The following GALNT2 variants were observed in gnomAD, a reference collection of about 807,000 sequenced individuals.
GALNT2 encodes polypeptide N-acetylgalactosaminyltransferase 2.
A neutral mutation model predicts 81.4 loss-of-function variants in GALNT2; 31 were observed. The ratio of observed to expected loss-of-function variants is 0.38; its 90% CI spans 0.29 to 0.51. The LOEUF is 0.51. GALNT2 is among the 20% of genes least tolerant of loss of function. GALNT2 has a pLI of 0.87. For missense variants in GALNT2, 629 were observed against 765.7 expected (o/e 0.82, Z 2.11); for synonymous variants, 303 against 287.4 (o/e 1.05, Z -0.55).
chr1:230,208,485 T>A (rs1558140927), intron 3 of GALNT2, among the ~76,000 whole-genome samples: 3 of 152,202 alleles, frequency 2.0e-5, no homozygotes, highest in Admixed American at 2.0e-4. Context: ...GGGATATGTG[T>A]CTGGTGTTCA....
chr1:230,159,875 G>A (rs2102845516), intron 1 of GALNT2, among the ~76,000 whole-genome samples: 1 of 152,288 alleles, frequency 6.6e-6, no homozygotes, highest in African/African-American at 2.4e-5. Flanking sequence ...CCTTTGGCTG[G>A]ATCCCTGTTT....
intron 2 of GALNT2, among the ~76,000 whole-genome samples, chr1:230,196,349 C>T (rs571799471): frequency 6.6e-6 from 1 of 152,326 alleles, no homozygotes; most frequent in South Asian, 2.1e-4. Context: ...CTCCTCCTCA[C>T]TTTTGGATGG....
In GALNT2 at chr1:230,257,229, T is replaced by A. The variant is rs1665740981; in HGVS notation, c.1136+1885T>A. On this transcript the variant is annotated intron_variant, in intron 11 of 15. Transcript: ENST00000366672. This position sits in a 1 kb window ranked among gnomAD's most constrained non-coding sequence, Gnocchi z 4.6. ...ATGTCTGTTTTATGCTTTGGAAAGG[T>A]CCGTATGGTTGCTGGGCAGAGGGTG... 4.6e-5 allele frequency among the ~76,000 whole-genome samples: 7 copies of A among 152,178 alleles called. No individual in the cohort carries two copies. Among genetic ancestry groups the A allele is most frequent in the Admixed American group, 4.6e-4 (7 of 15,286 alleles).
intron 1 of GALNT2, among the ~76,000 whole-genome samples, chr1:230,080,004 T>C (rs1354570043): frequency 4.6e-5 from 7 of 152,320 alleles, no homozygotes; most frequent in African/African-American, 1.7e-4. Flanking sequence ...AGAAAAGGGA[T>C]AGAGGTAAAG....
chr1:230,099,537 G>C (rs571380547), intron 1 of GALNT2, among the ~76,000 whole-genome samples: 63 of 152,310 alleles, frequency 4.1e-4, no homozygotes, highest in African/African-American at 1.5e-3. Flanking sequence ...GTCCCAAGCT[G>C]TGATTCCCAA....
At chr1:230,159,194 C>A (rs1196968778) in intron 1 of GALNT2, among the ~76,000 whole-genome samples, 1 of 152,194 alleles carries the variant, frequency 6.6e-6, no homozygotes, top group Non-Finnish European at 1.5e-5. Flanking sequence ...GCACCCTTTG[C>A]TGTTGATGTG....
chr1:230,238,208 C>T (rs942995279), intron 6 of GALNT2, among the ~76,000 whole-genome samples: 1 of 152,168 alleles, frequency 6.6e-6, no homozygotes, highest in Non-Finnish European at 1.5e-5. Flanking sequence ...ACACAAAGTG[C>T]TTGTAGTGAT....
chr1:230,101,395 C>T (rs10864687), intron 1 of GALNT2, among the ~76,000 whole-genome samples: 55,630 of 152,134 alleles, frequency 0.37, 10,617 homozygotes, highest in South Asian at 0.53. Flanking sequence ...CAGCTCCTGT[C>T]GGATGCCCCC....
At chr1:230,226,100 G>A (rs371871171) in intron 3 of GALNT2, among the ~76,000 whole-genome samples, 21 of 152,328 alleles carry the variant, frequency 1.4e-4, no homozygotes, top group Admixed American at 3.9e-4. Flanking sequence ...CCCAGCCTGC[G>A]GTTGGCTCTA....
Position 230,140,372 on chromosome 1 carries a change from C to T in GALNT2, c.127-37846C>T, listed in dbSNP as rs536318716. Among the ~76,000 whole-genome samples, 21 of 152,352 alleles carry T rather than the reference C, an allele frequency of 1.4e-4. No homozygotes were observed. The South Asian group carries it at 4.1e-3, about 30-fold the overall frequency. On this transcript the variant is annotated intron_variant, in intron 1 of 15. Transcript: ENST00000366672. ...GTTGGATTCCTACCCCTGCCACTGC[C>T]TGGCTCCACTGCCCTGGGCCAAGTC...
chr1:230,211,024 A>AG (rs1443312394), intron 3 of GALNT2, among the ~76,000 whole-genome samples: 1 of 152,152 alleles, frequency 6.6e-6, no homozygotes, highest in Non-Finnish European at 1.5e-5. Flanking sequence ...TTTTCTTTTT[A>AG]GGGGGGCAGA....
intron 11 of GALNT2, among the ~76,000 whole-genome samples, chr1:230,256,978 C>T (rs900326695): frequency 2.0e-5 from 3 of 152,052 alleles, no homozygotes; most frequent in Non-Finnish European, 2.9e-5. Flanking sequence ...TCTGGGACCC[C>T]GAGGAATCAG....
intron 10 of GALNT2, among the ~76,000 whole-genome samples, chr1:230,252,096 C>A (rs775158157): frequency 6.6e-6 from 1 of 152,168 alleles, no homozygotes; most frequent in Non-Finnish European, 1.5e-5. Flanking sequence ...ATGCCAAGGA[C>A]TTGGACTCCC....
At chr1:230,143,311 G>A (rs6665258) in intron 1 of GALNT2, among the ~76,000 whole-genome samples, 117,518 of 151,994 alleles carry the variant, frequency 0.77, 45,983 homozygotes, top group Admixed American at 0.8. Context: ...TCTCTGGAAG[G>A]TGTAGTTAGT....
intron 3 of GALNT2, among the ~76,000 whole-genome samples, chr1:230,205,941 A>G (rs1377561498): frequency 1.3e-5 from 2 of 152,208 alleles, no homozygotes; most frequent in Non-Finnish European, 2.9e-5. Context: ...ATTAAGAGCT[A>G]CTGACTGAAG....
intron 1 of GALNT2, among the ~76,000 whole-genome samples, chr1:230,118,470 G>A (rs1660915030): frequency 6.6e-6 from 1 of 152,230 alleles, no homozygotes; most frequent in African/African-American, 2.4e-5. Flanking sequence ...GACCAGGGCG[G>A]TTAGTCACAC....
chr1:230,119,219 C>CT (rs1660938565), intron 1 of GALNT2, among the ~76,000 whole-genome samples: 1 of 152,114 alleles, frequency 6.6e-6, no homozygotes, highest in Non-Finnish European at 1.5e-5. Context: ...TCGGAGTTTT[C>CT]TTTTTTCCCT....
chr1:230,211,848 C>T (rs1004267249), intron 3 of GALNT2, among the ~76,000 whole-genome samples: 1 of 152,136 alleles, frequency 6.6e-6, no homozygotes, highest in Non-Finnish European at 1.5e-5. Flanking sequence ...CTGATGATGT[C>T]GTATACCAGT....
At chr1:230,059,521 G>A (rs779788936) in intron 1 of GALNT2, among the ~76,000 whole-genome samples, 3 of 152,186 alleles carry the variant, frequency 2.0e-5, no homozygotes, top group South Asian at 2.1e-4. Flanking sequence ...GACAAGGAGC[G>A]GGTGTTTATA....
Sources: gnomAD v4.1 joint callset for allele counts (sites outside exome capture counted in the v4.1 genomes callset) on GRCh38, gnomAD v4.1.1 for gene constraint, Gnocchi (gnomAD v3.1) non-coding constraint, MANE v1.5 for transcripts, NCBI Gene and HGNC (gene_info 2026-07-23, HGNC 2026-07-21) for gene names.